CLIP2: variants seen among roughly 807,000 people sequenced by gnomAD.
CLIP2 encodes CAP-Gly domain-containing linker protein 2.
CLIP2 carries 41 observed loss-of-function variants against 111.7 expected under a neutral mutation model. The observed-to-expected ratio is 0.37, with a 90% CI of 0.29 to 0.48. CLIP2 has a LOEUF of 0.48. Among genes scored for constraint, CLIP2 ranks in the 20% least tolerant of loss-of-function variants. The probability of loss-of-function intolerance (pLI) is 0.99; values close to 1 mark genes in which losing one functional copy is unlikely to be tolerated. For missense variants in CLIP2, 1,160 were observed against 1,422.1 expected (o/e 0.82, Z 2.96); for synonymous variants, 660 against 644.2 (o/e 1.02, Z -0.37).
intron 1 of CLIP2, among the ~76,000 whole-genome samples, chr7:74,301,767 C>T (rs781868808): frequency 2.1e-4 from 32 of 151,234 alleles, no homozygotes; most frequent in African/African-American, 7.3e-4. Context: ...GACTGGAGTG[C>T]GCTGGCGTGA....
At chr7:74,301,584 G>T (rs1179016023) in intron 1 of CLIP2, among the ~76,000 whole-genome samples, 1 of 151,156 alleles carries the variant, frequency 6.6e-6, no homozygotes, top group Non-Finnish European at 1.5e-5. Context: ...TAGAGACGGG[G>T]TTTCACCATG....
chr7:74,293,236 C>T (rs1554725614), intron 1 of CLIP2, among the ~76,000 whole-genome samples: 1 of 152,222 alleles, frequency 6.6e-6, no homozygotes, highest in Non-Finnish European at 1.5e-5. Flanking sequence ...GAACAGAGAA[C>T]TTGTGCAGCA....
At chr7:74,396,618 C>CCAA (rs1442050408) in intron 13 of CLIP2, among the ~76,000 whole-genome samples, 23 of 152,090 alleles carry the variant, frequency 1.5e-4, no homozygotes, top group Non-Finnish European at 2.9e-4. Context: ...CCTTCCAGGT[C>CCAA]CAAGTGATTC....
At chr7:74,357,946 G>A (rs1790196252) in intron 6 of CLIP2, among the ~76,000 whole-genome samples, 1 of 151,024 alleles carries the variant, frequency 6.6e-6, no homozygotes, top group African/African-American at 2.4e-5. Flanking sequence ...TAGTAGAGAC[G>A]GGGTTTCACC....
intron 7 of CLIP2, among the ~76,000 whole-genome samples, chr7:74,361,201 T>TTCCC (rs1790321878): frequency 2.4e-5 from 3 of 126,058 alleles, no homozygotes; most frequent in African/African-American, 5.8e-5. Context: ...CCTTCCTTCC[T>TTCCC]TCCTTCCCTC....
rs1789902584 is a variant in CLIP2 at position 74,349,303 on chromosome 7, T to TGGGC, written c.679-4576_679-4575insGGCG. Among the ~76,000 whole-genome samples the TGGGC allele has an allele frequency of 2.0e-5, 3 of 150,350 alleles. No individual in the cohort carries two copies. The South Asian group carries it at 6.4e-4, about 32-fold the overall frequency. ...AAAATTAGCTGGGCGTGGTGGCACG[T>TGGGC]GCCTGTAATCCCAGCTACTAGGGAG... On this transcript the variant is annotated intron_variant, in intron 3 of 16. Transcript: ENST00000223398.
At position 74,376,168 on chromosome 7, in the gene CLIP2, A is replaced by C. The variant is rs782149131; in HGVS notation, c.1767A>C (p.Ala589=). The change falls in exon 10 of 17, where the codon GCA becomes GCC. Residue 589 remains alanine (A), a synonymous_variant. Transcript: ENST00000223398. This position sits in a 1 kb window ranked among gnomAD's most constrained non-coding sequence, Gnocchi z 7.1. ...TCCGCGCGGCCAACGAGAAGTACGC[A>C]CAGGAGGTGGCGGGCCTGAAGGACA... is the stretch of plus-strand genomic sequence containing the variant. ...DKLRAANEKY[A]QEVAGLKDKV... The C allele has an allele frequency of 1.4e-5, 22 of 1,611,516 alleles. No individual in the cohort carries two copies. The South Asian group carries it at 2.4e-4, about 18-fold the overall frequency.
chr7:74,347,318 G>A (rs574339451), intron 3 of CLIP2, among the ~76,000 whole-genome samples: 1 of 152,140 alleles, frequency 6.6e-6, no homozygotes, highest in Non-Finnish European at 1.5e-5. Flanking sequence ...GCCTAGGCTG[G>A]AGTGCAGTGG....
intron 14 of CLIP2, among the ~76,000 whole-genome samples, 169 bp from the exon 15 acceptor site, chr7:74,400,201 C>T (rs1485613054): frequency 6.6e-6 from 1 of 151,136 alleles, no homozygotes; most frequent in African/African-American, 2.4e-5. Context: ...GGGTTCCCCA[C>T]TTGGAGACCA....
chr7:74,326,783 T>C (rs1789122214), intron 2 of CLIP2, among the ~76,000 whole-genome samples: 1 of 149,172 alleles, frequency 6.7e-6, no homozygotes, highest in South Asian at 2.1e-4. Context: ...ATTACAGGCA[T>C]GTGCCACCAC....
At chr7:74,334,344 C>T (rs1789388053) in intron 2 of CLIP2, among the ~76,000 whole-genome samples, 1 of 152,046 alleles carries the variant, frequency 6.6e-6, no homozygotes, top group African/African-American at 2.4e-5. Flanking sequence ...TGGATTTTTG[C>T]AGCTGTTGAA....
intron 7 of CLIP2, among the ~76,000 whole-genome samples, chr7:74,360,531 C>T (rs782097319): frequency 2.6e-5 from 4 of 152,048 alleles, no homozygotes; most frequent in East Asian, 1.9e-4. Flanking sequence ...AGCACGGTGC[C>T]GGGCACAGAG....
chr7:74,312,127 T>C (rs1554728608), intron 1 of CLIP2, among the ~76,000 whole-genome samples: 1 of 152,076 alleles, frequency 6.6e-6, no homozygotes, highest in Non-Finnish European at 1.5e-5. Context: ...GGGACGCCTG[T>C]AGTCCCAGCT....
chr7:74,353,814 G>T, intron 3 of CLIP2, 66 bp from the exon 4 acceptor site: 1 of 1,611,298 alleles, frequency 6.2e-7, no homozygotes, highest in East Asian at 2.2e-5. Flanking sequence ...CCTGGGCTGG[G>T]TGCCCCTGCC....
chr7:74,325,393 G>A (rs1324410121), intron 2 of CLIP2, among the ~76,000 whole-genome samples: 1 of 152,102 alleles, frequency 6.6e-6, no homozygotes, highest in Non-Finnish European at 1.5e-5. Flanking sequence ...GTGTGACCGA[G>A]CACACCTGGA....
At chr7:74,291,537 G>A (rs1197525479) in intron 1 of CLIP2, among the ~76,000 whole-genome samples, 2 of 152,176 alleles carry the variant, frequency 1.3e-5, no homozygotes, top group African/African-American at 4.8e-5. Flanking sequence ...GTAAAATTGG[G>A]ATCCTTATGG....
At chr7:74,312,232 C>A (rs1788658503) in intron 1 of CLIP2, among the ~76,000 whole-genome samples, 1 of 151,936 alleles carries the variant, frequency 6.6e-6, no homozygotes, top group Non-Finnish European at 1.5e-5. Context: ...AGCAAGACTC[C>A]GTCTCCAAAT....
chr7:74,324,735 A>C (rs1381969917), intron 2 of CLIP2, among the ~76,000 whole-genome samples: 1 of 151,830 alleles, frequency 6.6e-6, no homozygotes, highest in African/African-American at 2.4e-5. Flanking sequence ...GCCTGGAGCA[A>C]AACCGAGTTG....
In CLIP2 at chr7:74,376,512, G is replaced by C. The variant is rs782715037; in HGVS notation, c.2111G>C (p.Arg704Pro). 4.4e-6 allele frequency: 7 copies of C among 1,603,928 alleles called. No homozygotes were observed. The East Asian group carries it at 1.4e-4, about 31-fold the overall frequency. The change falls in exon 10 of 17, where the codon CGG becomes CCG. Residue 704 changes from arginine to proline, a missense_variant. Transcript: ENST00000223398. This position sits in a 1 kb window ranked among gnomAD's most constrained non-coding sequence, Gnocchi z 7.1. ...EELAGLQRHW[R>P]AQLEVQASQH... ...CTGGCTGGGCTGCAGCGGCACTGGC[G>C]GGCCCAGCTGGAGGTGCAAGCCAGC...
Sources: allele counts gnomAD v4.1 joint callset (sites outside exome capture counted in the v4.1 genomes callset), GRCh38; gene constraint gnomAD v4.1.1; non-coding constraint Gnocchi (gnomAD v3.1); transcripts MANE v1.5; gene names NCBI Gene and HGNC (gene_info 2026-07-23, HGNC 2026-07-21).